Variants in APOB observed in about 807,000 individuals in gnomAD.
APOB encodes apolipoprotein B, also known as apolipoprotein B-100.
Under a neutral mutation model 314.1 loss-of-function variants are expected in APOB, and 153 were observed. That is an observed-to-expected ratio of 0.49 (90% CI 0.43 to 0.56). APOB has a LOEUF of 0.56. Ranked by LOEUF, APOB falls within the 20% of genes least tolerant of loss-of-function variation. The probability of loss-of-function intolerance (pLI) is 0.00; values close to 1 mark genes in which losing one functional copy is unlikely to be tolerated. For missense variants in APOB, 5,430 were observed against 5,350.7 expected, an observed-to-expected ratio of 1.01 and a Z score of -0.46; for synonymous variants, 2,087 against 2,036.4, an observed-to-expected ratio of 1.02 and a Z score of -0.67.
rs1663664782 is a variant in APOB, at chr2:21,023,547, C to T, written c.2582G>A (p.Gly861Glu). Residue 861 changes from glycine (G) to glutamate (E), a missense_variant, in exon 17 of 29, where the codon GGA (glycine) becomes GAA (glutamate). This residue lies in a region of APOB where 2,085 missense variants were observed against 2,079.7 expected (regional missense o/e 1.00). Transcript: ENST00000233242. ...SGVIAPGAKA[G>E]VKLEVANMQA... ...TACGTTGGCTACTTCCAGTTTTACTCCAGCCTTGGCTCCGGGAGCAATGAC... is the reference window on the plus strand; with the variant it reads ...TACGTTGGCTACTTCCAGTTTTACTTCAGCCTTGGCTCCGGGAGCAATGAC... 1.2e-6 allele frequency: 2 copies of T among 1,614,054 alleles called. No individual in the cohort carries two copies. The highest frequency in any genetic ancestry group is 1.1e-5 in the South Asian group (1 of 91,092).
rs1412935514 is a variant in APOB, at chr2:21,006,742, C to T, written c.10126G>A (p.Ala3376Thr). 6.2e-7 allele frequency: 1 copy of T among 1,613,996 alleles called. No homozygotes were observed. ...GTGCCCTCTAATTTGTACTGCAGTG[C>T]ATCAATGACAGATGAAGATGAAGAA... ...LLSSSSSVIDALQYKLEGTTR... is the reference protein window; with the variant it reads ...LLSSSSSVIDTLQYKLEGTTR... The change falls in exon 26 of 29, where the codon GCA becomes ACA. Residue 3376 changes from alanine (A) to threonine (T), a missense_variant. Around this residue, in one of 3 missense-constraint regions of APOB, gnomAD observed 3,281 missense variants for 3,171.0 expected, o/e 1.03. Coordinates refer to ENST00000233242, the MANE Select transcript of APOB (RefSeq NM_000384.3).
chr2:21,036,567 G>A (rs563007497), intron 6 of APOB, among the ~76,000 whole-genome samples: 19 of 152,292 alleles, frequency 1.2e-4, no homozygotes, highest in African/African-American at 2.6e-4. Flanking sequence ...GCTCCAGGCC[G>A]GTGGCAGTGG....
At chr2:21,020,131 C>T (rs190239143) in intron 18 of APOB, among the ~76,000 whole-genome samples, 1 of 152,264 alleles carries the variant, frequency 6.6e-6, no homozygotes, top group East Asian at 1.9e-4. Flanking sequence ...CCATCTGTTA[C>T]CTGTAATCCC....
chr2:21,023,907 TATC>T (rs774482423), intron 16 of APOB: 9 of 437,338 alleles, frequency 2.1e-5, no homozygotes, highest in Non-Finnish European at 3.6e-5. Flanking sequence ...ACTAGATAGA[TATC>T]ATGTCATTTT....
At chr2:21,017,159 A>C (rs11680233) in intron 20 of APOB, among the ~76,000 whole-genome samples, 109,628 of 151,560 alleles carry the variant, frequency 0.72, 40,659 homozygotes, top group African/African-American at 0.84. Flanking sequence ...TCTCATTAAA[A>C]TTTTTTAATG....
At chr2:21,023,822 A>G in intron 16 of APOB, 130 bp from the exon 17 acceptor site, 1 of 724,032 alleles carries the variant, frequency 1.4e-6, no homozygotes, top group Non-Finnish European at 2.2e-6. Flanking sequence ...TATTTTGATG[A>G]GCTGAATAGT....
Position 21,005,858 on chromosome 2 carries a change from C to G in APOB, c.11010G>C (p.Arg3670Ser), listed in dbSNP as rs148127628. The change falls in exon 26 of 29, where the codon AGG (arginine) becomes AGC (serine). Residue 3670 changes from arginine (R) to serine (S), a missense_variant. Transcript: ENST00000233242. ...CTGGTAGGATGATATTTTTGAGGAA[C>G]CTTAGGTGTCCTTCTAAGGATCCTG... ...DIAGSLEGHL[R>S]FLKNIILPVY... 15 of 1,613,946 alleles carry G rather than the reference C, an allele frequency of 9.3e-6. No individual in the cohort carries two copies. The Admixed American group carries it at 1.2e-4, about 13-fold the overall frequency.
In APOB at chr2:21,010,061, A is replaced by G. The variant is rs1663264114; in HGVS notation, c.6807T>C (p.Leu2269=). 2 of 1,613,536 alleles carry G rather than the reference A, an allele frequency of 1.2e-6. No individual in the cohort carries two copies. ...RIQIQEKLQQ[L]KRHIQNIDIQ... The stretch of plus-strand genomic sequence containing the variant: ...TGTCTATATTCTGTATGTGTCTCTT[A>G]AGCTGCTGCAGTTTTTCTTGTATCT... The change falls in exon 26 of 29, where the codon CTT becomes CTC. Residue 2269 remains leucine, a synonymous_variant. Transcript: ENST00000233242.
chr2:21,023,403 T>G, intron 17 of APOB, 122 bp downstream of exon 17: 1 of 1,154,864 alleles, frequency 8.7e-7, no homozygotes, highest in Non-Finnish European at 1.3e-6. Flanking sequence ...AATAATGAGG[T>G]GATTACAATG....
chr2:21,040,820 T>C, intron 4 of APOB, 118 bp downstream of exon 4: 1 of 1,168,060 alleles, frequency 8.6e-7, no homozygotes, highest in Non-Finnish European at 1.2e-6. Context: ...AATTCCCTGA[T>C]CCACGATGGA....
At position 21,008,279 on chromosome 2, in the gene APOB, T is replaced by C. The variant is rs756214262; in HGVS notation, c.8589A>G (p.Glu2863=). 6.2e-7 allele frequency: 1 copy of C among 1,613,950 alleles called. No individual in the cohort carries two copies. The highest frequency in any genetic ancestry group is 1.1e-5 in the South Asian group (1 of 91,058). Residue 2863 remains glutamate (E), a synonymous_variant, in exon 26 of 29, where the codon GAA becomes GAG. Transcript: ENST00000233242. ...CATTACTAAGCTCCAGTGTATTTTT[T>C]TCTGTGTGTAAACTTGCCACTGTGT... is the stretch of plus-strand genomic sequence containing the variant. The part of the protein sequence containing the change: ...KSNTVASLHT[E]KNTLELSNGV...
chr2:21,013,645 T>C (rs1480262327), intron 24 of APOB, 112 bp from the exon 25 acceptor site: 1 of 1,481,792 alleles, frequency 6.7e-7, no homozygotes, highest in Non-Finnish European at 9.4e-7. Flanking sequence ...AAAGCCACTC[T>C]GCACTTTTCT....
intron 3 of APOB, among the ~76,000 whole-genome samples, chr2:21,042,072 A>T (rs1374567823): frequency 1.3e-5 from 2 of 152,140 alleles, no homozygotes; most frequent in African/African-American, 2.4e-5. Context: ...AAATCTACAG[A>T]CCCACACTGC....
chr2:21,003,396 C>T, intron 28 of APOB, 62 bp from the exon 29 acceptor site: 4 of 1,395,954 alleles, frequency 2.9e-6, no homozygotes, highest in South Asian at 1.2e-5. Context: ...CAATATAGTA[C>T]ACTAAAACTT....
In APOB at chr2:21,016,946, T is replaced by A. The variant is rs549394363; in HGVS notation, c.3122-297A>T. On this transcript the variant is annotated intron_variant, in intron 20 of 28. Transcript: ENST00000233242. Reference sequence around the variant, plus strand: ...TTGCAGTGAGCCGAGATGGCACCACTGCACTGCAGCCTGGGCAAAAGAGCG... The same window carrying A: ...TTGCAGTGAGCCGAGATGGCACCACAGCACTGCAGCCTGGGCAAAAGAGCG... Among the ~76,000 whole-genome samples the A allele has an allele frequency of 4.0e-3, 599 of 150,070 alleles. 4 individuals are homozygous for A. The highest frequency in any genetic ancestry group is 0.014 in the African/African-American group (570 of 40,344).
chr2:21,006,629 AG>A lies in APOB; in HGVS notation c.10238del (p.Thr3413MetfsTer2), dbSNP rs756209187. 1.7e-5 allele frequency: 27 copies of A among 1,613,968 alleles called. No homozygotes were observed. Among genetic ancestry groups the A allele is most frequent in the Non-Finnish European group, 2.3e-5 (27 of 1,179,972 alleles). ...NKFVEGSHNSTVSLTTKNMEV... is the reference protein window; with the variant it reads ...NKFVEGSHNSXVSLTTKNMEV... Reference sequence around the variant, plus strand: ...CCATATTTTTCGTGGTTAAGCTCACAGTACTGTTATGACTACCCTCCACAAA... The same window carrying A: ...CCATATTTTTCGTGGTTAAGCTCACATACTGTTATGACTACCCTCCACAAA... On this transcript the variant is annotated frameshift_variant, in exon 26 of 29. Coordinates refer to ENST00000233242, the MANE Select transcript of APOB (RefSeq NM_000384.3). LOFTEE classifies it high-confidence loss of function.
rs772581019 is a variant in APOB at position 21,002,718 on chromosome 2, A to G, written c.12704T>C (p.Val4235Ala). The G allele has an allele frequency of 6.2e-7, 1 of 1,613,488 alleles. No individual in the cohort carries two copies. The highest frequency in any genetic ancestry group is 1.1e-5 in the South Asian group (1 of 91,004). ...AAACAGTATTTCTGAACCATTATGG[A>G]CTTTCGAATATACCTGGGACAGTAC... ...GTVLSQVYSK[V>A]HNGSEILFSY... The change falls in exon 29 of 29, where the codon GTC (valine) becomes GCC (alanine). Residue 4235 changes from valine (V) to alanine (A), a missense_variant. Val to Ala is a moderately conservative substitution (Grantham distance 64). Transcript: ENST00000233242.
rs903058178 is a variant in APOB at position 21,023,724 on chromosome 2, GTAAGTCTTTT to G, written c.2437-42_2437-33del. On this transcript the variant is annotated intron_variant, in intron 16 of 28. Transcript: ENST00000233242. ...ACCCAACAAGGGAGAGCAAATAAAA[GTAAGTCTTTT>G]TAAAGTCGGTTTTGTTAATTACAAC... 2.6e-6 allele frequency: 4 copies of G among 1,561,862 alleles called. No individual in the cohort carries two copies. The African/African-American group carries it at 5.5e-5, about 21-fold the overall frequency.
chr2:21,043,411 A>T, intron 2 of APOB, 102 bp downstream of exon 2: 1 of 1,369,632 alleles, frequency 7.3e-7, no homozygotes, highest in South Asian at 1.2e-5. Context: ...GCACACCACG[A>T]TGCCATCTCA....
Sources: gnomAD v4.1 joint callset for allele counts (sites outside exome capture counted in the v4.1 genomes callset) on GRCh38, gnomAD v4.1.1 for gene constraint, gnomAD v4.1.1 regional missense constraint, MANE v1.5 for transcripts, NCBI Gene and HGNC (gene_info 2026-07-23, HGNC 2026-07-21) for gene names.